The following MORC3 variants were observed in gnomAD, a reference collection of about 807,000 sequenced individuals.
MORC3 encodes the protein MORC family CW-type zinc finger protein 3.
Under a neutral mutation model 109.1 loss-of-function variants are expected in MORC3, and 31 were observed. That is an observed-to-expected ratio of 0.28 (90% confidence interval 0.21 to 0.38). The LOEUF is 0.38. Among genes scored for constraint, MORC3 ranks in the 10% least tolerant of loss-of-function variants. MORC3 has a pLI of 1.00. For synonymous variants in MORC3, 395 were observed against 380.7 expected (o/e 1.04, Z -0.44); for missense variants, 867 against 1,135.8 (o/e 0.76, Z 3.40).
intron 15 of MORC3, among the ~76,000 whole-genome samples, chr21:36,370,612 CATATATATATATAT>C (rs1182720624): frequency 2.2e-5 from 1 of 46,146 alleles, no homozygotes; most frequent in African/African-American, 1.1e-4. Context: ...TACATACATA[CATATATATATATAT>C]ATATATATAT....
chr21:36,345,246 C>A (rs1438795567), intron 8 of MORC3, among the ~76,000 whole-genome samples: 1 of 136,980 alleles, frequency 7.3e-6, no homozygotes, highest in Non-Finnish European at 1.6e-5. Context: ...CCTCTCCTTT[C>A]CTTTCCCTTC....
intron 1 of MORC3, among the ~76,000 whole-genome samples, chr21:36,330,797 T>C (rs2146291299): frequency 6.6e-6 from 1 of 152,274 alleles, no homozygotes; most frequent in South Asian, 2.1e-4. Context: ...GACAGGAAAG[T>C]TTTCCTGATG....
chr21:36,361,562 AAAAAAAG>A, intron 12 of MORC3: 1 of 143,872 alleles, frequency 7.0e-6, no homozygotes, highest in South Asian at 2.6e-4. Context: ...AAAAAAAAAA[AAAAAAAG>A]GCAGGTGTGG....
intron 10 of MORC3, among the ~76,000 whole-genome samples, chr21:36,357,868 G>C (rs1339807971): frequency 6.6e-6 from 1 of 151,240 alleles, no homozygotes; most frequent in African/African-American, 2.4e-5. Flanking sequence ...AGCCTTCCGA[G>C]GAGCTGGGAC....
chr21:36,356,963 A>T (rs1408008775), intron 10 of MORC3, among the ~76,000 whole-genome samples: 1 of 152,242 alleles, frequency 6.6e-6, no homozygotes, highest in Non-Finnish European at 1.5e-5. Context: ...ATTTCATTTT[A>T]AGATGCTATG....
chr21:36,367,498 T>C (rs1181165643), intron 14 of MORC3, among the ~76,000 whole-genome samples: 1 of 152,102 alleles, frequency 6.6e-6, no homozygotes, highest in East Asian at 1.9e-4. Context: ...ATAAATCATT[T>C]AGAATGAAAA....
At chr21:36,342,434 ACT>A (rs1249787155) in intron 6 of MORC3, among the ~76,000 whole-genome samples, 4 of 151,630 alleles carry the variant, frequency 2.6e-5, no homozygotes, top group African/African-American at 9.7e-5. Context: ...TTTGGGTGTC[ACT>A]CTCTCACCCA....
intron 6 of MORC3, among the ~76,000 whole-genome samples, chr21:36,343,096 TTTTTG>T (rs1247171460): frequency 4.6e-5 from 7 of 152,120 alleles, no homozygotes; most frequent in East Asian, 3.9e-4. Flanking sequence ...TATCAAGGTT[TTTTTG>T]TTTGTTTGTT....
chr21:36,337,074 T>G, intron 3 of MORC3, 68 bp downstream of exon 3: 1 of 1,544,572 alleles, frequency 6.5e-7, no homozygotes, highest in Non-Finnish European at 8.8e-7. Context: ...ATGCCATACT[T>G]ACTATTCTTG....
intron 9 of MORC3, 38 bp downstream of exon 9, chr21:36,349,446 G>T: frequency 7.5e-7 from 1 of 1,335,046 alleles, no homozygotes. Flanking sequence ...GAGGTTCCTA[G>T]GAAATGTATT....
chr21:36,338,034 T>C, intron 4 of MORC3, 88 bp downstream of exon 4: 4 of 1,358,976 alleles, frequency 2.9e-6, no homozygotes, highest in Non-Finnish European at 4.1e-6. Context: ...TTCCAGATTA[T>C]TCCCTTTGAA....
chr21:36,356,065 T>G lies in MORC3; in HGVS notation c.1104-555T>G, dbSNP rs146128000. On this transcript the variant is annotated intron_variant, in intron 9 of 16. Coordinates refer to ENST00000400485, the MANE Select transcript of MORC3 (RefSeq NM_015358.3). ...CATGTCATAAGGCACTTGAAGCAAA[T>G]AAAAAACTTGAGCCCATCAAAATAG... 2.9e-3 allele frequency among the ~76,000 whole-genome samples: 439 copies of G among 152,128 alleles called. 2 individuals are homozygous for G. Among genetic ancestry groups the G allele is most frequent in the African/African-American group, 9.7e-3 (402 of 41,514 alleles).
At chr21:36,346,758 A>C (rs2146311572) in intron 8 of MORC3, among the ~76,000 whole-genome samples, 1 of 152,252 alleles carries the variant, frequency 6.6e-6, no homozygotes, top group African/African-American at 2.4e-5. Flanking sequence ...GTAGTGAGCC[A>C]AAATTGTGCC....
At position 36,364,133 on chromosome 21, in the gene MORC3, C is replaced by A. The variant is rs746275842; in HGVS notation, c.1493C>A (p.Thr498Asn). The A allele has an allele frequency of 3.1e-6, 5 of 1,614,118 alleles. No individual in the cohort carries two copies. In the South Asian group the frequency reaches 5.5e-5, roughly 18 times the overall value. ...ELLFRPTALS[T>N]PSFSSPKESV... ...TTGTTTCGGCCAACTGCTCTTTCAA[C>A]TCCAAGCTTTTCTTCTCCTAAGGAA... Residue 498 changes from threonine to asparagine, a missense_variant, in exon 14 of 17, where the codon ACT becomes AAT. Coordinates refer to ENST00000400485, the MANE Select transcript of MORC3 (RefSeq NM_015358.3).
At chr21:36,323,489 T>TG (rs1339250978) in intron 1 of MORC3, among the ~76,000 whole-genome samples, 2 of 152,022 alleles carry the variant, frequency 1.3e-5, no homozygotes, top group Non-Finnish European at 2.9e-5. Flanking sequence ...TTGTTAGTGG[T>TG]GGAGAATATC....
chr21:36,338,101 A>G (rs1569093061), intron 4 of MORC3, among the ~76,000 whole-genome samples, 155 bp downstream of exon 4: 1 of 152,174 alleles, frequency 6.6e-6, no homozygotes, highest in East Asian at 1.9e-4. Flanking sequence ...ACCTGAGGCT[A>G]AGGGTTTGTC....
intron 16 of MORC3, 129 bp from the exon 17 acceptor site, chr21:36,375,014 T>G (rs938174790): frequency 7.4e-6 from 7 of 940,488 alleles, no homozygotes; most frequent in Non-Finnish European, 1.1e-5. Flanking sequence ...CTAGGGGAGG[T>G]TTTGCTTTTC....
intron 5 of MORC3, among the ~76,000 whole-genome samples, chr21:36,339,861 T>C (rs2085420605): frequency 6.6e-6 from 1 of 152,176 alleles, no homozygotes; most frequent in South Asian, 2.1e-4. Context: ...TACCCCTCCT[T>C]CTCCTGGAGG....
At chr21:36,346,221 G>A (rs2085505834) in intron 8 of MORC3, among the ~76,000 whole-genome samples, 1 of 152,074 alleles carries the variant, frequency 6.6e-6, no homozygotes, top group Admixed American at 6.6e-5. Context: ...GCTTTACCAT[G>A]TTGACCAGGC....
Sources: gnomAD v4.1 joint callset for allele counts (sites outside exome capture counted in the v4.1 genomes callset) on GRCh38, gnomAD v4.1.1 for gene constraint, MANE v1.5 for transcripts, NCBI Gene and HGNC (gene_info 2026-07-23, HGNC 2026-07-21) for gene names.